Variants in FBXL17 observed in about 807,000 individuals in gnomAD.
FBXL17 encodes the protein F-box/LRR-repeat protein 17.
FBXL17 carries 22 observed loss-of-function variants against 66.2 expected under a neutral mutation model. The observed-to-expected ratio is 0.33, with a 90% confidence interval of 0.24 to 0.47. The LOEUF (loss-of-function observed/expected upper bound fraction) is 0.47, where lower values mean the gene tolerates loss of function less well. Ranked by LOEUF, FBXL17 falls within the 20% of genes least tolerant of loss-of-function variation. FBXL17 has a pLI of 1.00. For missense variants in FBXL17, 878 were observed against 948.2 expected (o/e 0.93, Z 0.97); for synonymous variants, 474 against 400.5 (o/e 1.18, Z -2.19).
rs573584865 is a variant in FBXL17 at position 107,949,854 on chromosome 5, C to T, written c.1823-68675G>A. Among the ~76,000 whole-genome samples the T allele has an allele frequency of 5.3e-5, 8 of 152,300 alleles. No individual in the cohort carries two copies. The South Asian group carries it at 1.7e-3, about 32-fold the overall frequency. ...TTGCCCACTGTCCAACAGGAAGTAG[C>T]TGAAACAGGAGCGAAATCCAAGCTG... On this transcript the variant is annotated intron_variant, in intron 7 of 8. Transcript: ENST00000542267.
chr5:108,319,933 C>T (rs2150215938), intron 4 of FBXL17, among the ~76,000 whole-genome samples: 1 of 151,612 alleles, frequency 6.6e-6, no homozygotes, highest in Admixed American at 6.6e-5. Flanking sequence ...ACTAGGGTCC[C>T]GAAATGACTA....
chr5:108,009,300 T>TATATATATATATATATATAC (rs1554056634), intron 7 of FBXL17, among the ~76,000 whole-genome samples: 2 of 63,302 alleles, frequency 3.2e-5, no homozygotes, highest in Non-Finnish European at 6.0e-5. Context: ...TATATATATA[T>TATATATATATATATATATAC]ACATATATAC....
intron 4 of FBXL17, among the ~76,000 whole-genome samples, chr5:108,254,833 T>C (rs932438419): frequency 6.6e-6 from 1 of 152,188 alleles, no homozygotes; most frequent in East Asian, 1.9e-4. Flanking sequence ...TTCAGAAAAA[T>C]CATTGAGTGT....
At chr5:107,996,530 G>A (rs1381969749) in intron 7 of FBXL17, among the ~76,000 whole-genome samples, 1 of 152,182 alleles carries the variant, frequency 6.6e-6, no homozygotes, top group Admixed American at 6.5e-5. Context: ...GGCCAGGCTA[G>A]TCTAGAACTC....
intron 8 of FBXL17, chr5:107,878,295 T>C (rs1312562233): frequency 2.1e-6 from 2 of 945,122 alleles, no homozygotes; most frequent in Non-Finnish European, 2.5e-6. Context: ...ATAATTTTTT[T>C]TTCTCATTGG....
intron 7 of FBXL17, among the ~76,000 whole-genome samples, chr5:107,931,771 A>T (rs1010712045): frequency 1.3e-5 from 2 of 152,180 alleles, no homozygotes; most frequent in Non-Finnish European, 2.9e-5. Flanking sequence ...ATGTTAGGTC[A>T]CATATTCACA....
At chr5:108,118,412 G>A (rs971601160) in intron 6 of FBXL17, among the ~76,000 whole-genome samples, 3 of 152,154 alleles carry the variant, frequency 2.0e-5, no homozygotes, top group Non-Finnish European at 2.9e-5. Flanking sequence ...AGGTGCTCAA[G>A]CTAAAAACTT....
At chr5:108,332,594 CTT>C (rs1019923777) in intron 4 of FBXL17, among the ~76,000 whole-genome samples, 3 of 151,956 alleles carry the variant, frequency 2.0e-5, no homozygotes, top group African/African-American at 7.3e-5. Context: ...TCAGGACAAA[CTT>C]TTTGTTTTTT....
At chr5:108,188,303 T>G (rs1203426167) in intron 5 of FBXL17, among the ~76,000 whole-genome samples, 1 of 152,080 alleles carries the variant, frequency 6.6e-6, no homozygotes, top group Non-Finnish European at 1.5e-5. Context: ...CACAAAAAGG[T>G]CCACAACAGC....
chr5:107,929,893 C>G (rs1180588602), intron 7 of FBXL17, among the ~76,000 whole-genome samples: 2 of 152,174 alleles, frequency 1.3e-5, no homozygotes, highest in Non-Finnish European at 2.9e-5. Context: ...CCCTACACTT[C>G]TACACCCATA....
chr5:108,244,355 A>G (rs1291214599), intron 4 of FBXL17, among the ~76,000 whole-genome samples: 1 of 152,114 alleles, frequency 6.6e-6, no homozygotes, highest in South Asian at 2.1e-4. Context: ...AACCCTATGA[A>G]ATTACTGGAA....
intron 7 of FBXL17, among the ~76,000 whole-genome samples, chr5:107,911,686 A>C (rs2112547837): frequency 6.6e-6 from 1 of 152,284 alleles, no homozygotes; most frequent in Non-Finnish European, 1.5e-5. Flanking sequence ...CACATAAAGG[A>C]ATAGATTGAA....
chr5:108,009,298 T>TATATATATAC, intron 7 of FBXL17, among the ~76,000 whole-genome samples: 1 of 71,450 alleles, frequency 1.4e-5, no homozygotes, highest in African/African-American at 6.9e-5. Context: ...TATATATATA[T>TATATATATAC]ATACATATAT....
At chr5:107,940,584 G>A (rs1205497634) in intron 7 of FBXL17, among the ~76,000 whole-genome samples, 2 of 152,124 alleles carry the variant, frequency 1.3e-5, no homozygotes, top group African/African-American at 4.8e-5. Context: ...GGAGATGGAA[G>A]GTAGGACTGC....
chr5:108,130,613 A>T (rs1750894253), intron 6 of FBXL17, among the ~76,000 whole-genome samples: 1 of 152,044 alleles, frequency 6.6e-6, no homozygotes, highest in Non-Finnish European at 1.5e-5. Flanking sequence ...ATCTCAAACC[A>T]ATTCTTTTCC....
rs1580942591 is a variant in FBXL17 at position 108,381,804 on chromosome 5, TC to T, written c.-114del. ...GCTCGGCCCCCGGAGGGGTCGCCCT[TC>T]CTGCGCACACACACGCACACACGGG... On this transcript the variant is annotated 5_prime_UTR_variant, in exon 1 of 9. Coordinates refer to ENST00000542267, the MANE Select transcript of FBXL17 (RefSeq NM_001163315.3). The T allele has an allele frequency of 3.0e-6, 4 of 1,351,404 alleles. No homozygotes were observed. Among genetic ancestry groups the T allele is most frequent in the East Asian group, 6.2e-5 (2 of 32,122 alleles). 83.7% of individuals were successfully genotyped at this position (1,351,404 alleles called of 1,614,324 possible).
chr5:108,380,711 G>A lies in FBXL17; in HGVS notation c.981C>T (p.Ser327=). The change falls in exon 1 of 9, where the codon TCC becomes TCT. Residue 327 remains serine (S), a synonymous_variant. Transcript: ENST00000542267. The part of the protein sequence containing the change: ...ETPDINQLPP[S]ILLKIFSNLS... Reference sequence around the variant, plus strand: ...CGCCCAGACCCACCTTGAGCAGGATGGACGGCGGCAGCTGGTTGATGTCTG... The same window carrying A: ...CGCCCAGACCCACCTTGAGCAGGATAGACGGCGGCAGCTGGTTGATGTCTG... 1.6e-6 allele frequency: 2 copies of A among 1,249,576 alleles called. No homozygotes were observed. The highest frequency in any genetic ancestry group is 3.2e-5 in the East Asian group (1 of 31,702). 77.4% of individuals were successfully genotyped at this position (1,249,576 alleles called of 1,614,324 possible). A position where few individuals can be genotyped will look rare whatever the true frequency, so the allele number is the denominator to read the frequency against.
chr5:108,243,399 C>T (rs1374693030), intron 4 of FBXL17, among the ~76,000 whole-genome samples: 1 of 152,180 alleles, frequency 6.6e-6, no homozygotes, highest in Non-Finnish European at 1.5e-5. Context: ...AAGTAATCTA[C>T]TAATGTAACA....
intron 5 of FBXL17, among the ~76,000 whole-genome samples, chr5:108,193,087 T>C (rs1216805240): frequency 6.6e-6 from 1 of 152,226 alleles, no homozygotes; most frequent in Non-Finnish European, 1.5e-5. Flanking sequence ...CCTAAATTAG[T>C]TCTTGCCAGT....
Sources: allele counts gnomAD v4.1 joint callset (sites outside exome capture counted in the v4.1 genomes callset), GRCh38; gene constraint gnomAD v4.1.1; transcripts MANE v1.5; gene names NCBI Gene and HGNC (gene_info 2026-07-23, HGNC 2026-07-21).